DCAF1: variants seen among roughly 807,000 people sequenced by gnomAD.
DCAF1 encodes DDB1- and CUL4-associated factor 1.
Under a neutral mutation model 128.0 loss-of-function variants are expected in DCAF1, and 15 were observed. The ratio of observed to expected loss-of-function variants is 0.12; its 90% CI spans 0.08 to 0.18. DCAF1 has a LOEUF of 0.18. Among genes scored for constraint, DCAF1 ranks in the 10% least tolerant of loss-of-function variants. DCAF1 has a pLI of 1.00. For missense variants in DCAF1, 988 were observed against 1,649.5 expected, an observed-to-expected ratio of 0.60 and a Z score of 6.95; for synonymous variants, 610 against 603.0, an observed-to-expected ratio of 1.01 and a Z score of -0.17.
At chr3:51,414,575 C>T (rs371364826) in intron 19 of DCAF1, 49 bp downstream of exon 19, 22 of 1,596,274 alleles carry the variant, frequency 1.4e-5, no homozygotes, top group South Asian at 2.2e-5. Flanking sequence ...TATTTCTGCA[C>T]CACAAACCAG....
rs782742872 is a variant in DCAF1 at position 51,441,083 on chromosome 3, A to G, written c.1027-12T>C. On this transcript the variant is annotated splice_polypyrimidine_tract_variant and intron_variant, in intron 8 of 24. Coordinates refer to ENST00000684031, the MANE Select transcript of DCAF1 (RefSeq NM_001387579.1). ...AATATGGGAAGTAGCTGAAATGAAC[A>G]CCAAATACAAGTCTTAAATTTTGGC... The G allele has an allele frequency of 1.2e-6, 2 of 1,600,406 alleles. No homozygotes were observed. The highest frequency in any genetic ancestry group is 2.2e-5 in the East Asian group (1 of 44,566).
rs556429740 is a variant in DCAF1 at position 51,479,215 on chromosome 3, C to T, written c.110+4504G>A. ...GGAGACACCAATAAAAAGACATAGT[C>T]GTAGGCCAGGCATGGTGGCTCACGC... On this transcript the variant is annotated intron_variant, in intron 3 of 24. Transcript: ENST00000684031. Among the ~76,000 whole-genome samples, 14 of 152,186 alleles carry T rather than the reference C, an allele frequency of 9.2e-5. No homozygotes were observed. In the South Asian group the frequency reaches 2.5e-3, roughly 27 times the overall value.
At chr3:51,490,598 G>A (rs1454456675) in intron 2 of DCAF1, among the ~76,000 whole-genome samples, 1 of 152,080 alleles carries the variant, frequency 6.6e-6, no homozygotes, top group African/African-American at 2.4e-5. Context: ...ACATTCCAAC[G>A]TGGTCTACAA....
chr3:51,470,867 G>A (rs543068783), intron 4 of DCAF1, 62 bp downstream of exon 4: 31 of 1,233,438 alleles, frequency 2.5e-5, no homozygotes, highest in African/African-American at 4.5e-5. Context: ...AAAGACCCTC[G>A]CTTTAATAAA....
intron 2 of DCAF1, among the ~76,000 whole-genome samples, chr3:51,493,416 G>C (rs1381444695): frequency 6.6e-6 from 1 of 151,918 alleles, no homozygotes; most frequent in Non-Finnish European, 1.5e-5. Context: ...TTGCACTCCA[G>C]CCTGGGCAAT....
rs145516040 is a variant in DCAF1 at position 51,456,168 on chromosome 3, G to A, written c.375+6946C>T. ...ATTCCCTTTCCTAGTCAAAGAAATCGGTGACAGACAGCACCTGGAAAATCG... is the reference window on the plus strand; with the variant it reads ...ATTCCCTTTCCTAGTCAAAGAAATCAGTGACAGACAGCACCTGGAAAATCG... On this transcript the variant is annotated intron_variant, in intron 6 of 24. Transcript: ENST00000684031. Among the ~76,000 whole-genome samples the A allele has an allele frequency of 1.5e-3, 222 of 152,314 alleles. 3 individuals are homozygous for A. The South Asian group carries it at 0.026, about 18-fold the overall frequency.
intron 19 of DCAF1, among the ~76,000 whole-genome samples, chr3:51,414,409 A>T (rs1380254579): frequency 6.6e-6 from 1 of 152,254 alleles, no homozygotes; most frequent in Admixed American, 6.5e-5. Context: ...CTCTTACCAA[A>T]TACATAGAAA....
chr3:51,452,531 C>A (rs531482069), intron 6 of DCAF1, among the ~76,000 whole-genome samples: 294 of 152,192 alleles, frequency 1.9e-3, no homozygotes, highest in Non-Finnish European at 3.2e-3. Flanking sequence ...TCCCAATAAA[C>A]CATTAATTAG....
At chr3:51,437,357 G>GA (rs1700945400) in intron 9 of DCAF1, 1 of 425,296 alleles carries the variant, frequency 2.4e-6, no homozygotes, top group Admixed American at 2.5e-5. Flanking sequence ...CAAAGGGGCT[G>GA]AACATGGGAG....
At chr3:51,505,225 C>G in the DCAF1 span, among the ~76,000 whole-genome samples, 1 of 152,002 alleles carries the variant, frequency 6.6e-6, no homozygotes, top group Non-Finnish European at 1.5e-5. Flanking sequence ...GATCACACCA[C>G]TGCACTCCAG....
chr3:51,451,762 C>CAA (rs5848923), intron 6 of DCAF1, among the ~76,000 whole-genome samples: 13 of 108,134 alleles, frequency 1.2e-4, no homozygotes, highest in Admixed American at 3.5e-4. Flanking sequence ...AACTCTGTCT[C>CAA]AAAAAAAAAA....
Position 51,414,875 on chromosome 3 carries a change from T to C in DCAF1, c.3604-18A>G, listed in dbSNP as rs782335742. ...TCATAAATCTTTAGAGAAGAAGGGA[T>C]GGGAAGAGAAAAATCAGACCAATCC... On this transcript the variant is annotated intron_variant, in intron 18 of 24. Transcript: ENST00000684031. 8 of 1,604,876 alleles carry C rather than the reference T, an allele frequency of 5.0e-6. No individual in the cohort carries two copies. The highest frequency in any genetic ancestry group is 1.7e-4 in the Middle Eastern group (1 of 6,030).
rs1553635143 is a variant in DCAF1 at position 51,430,024 on chromosome 3, G to T, written c.1467+9C>A. On this transcript the variant is annotated intron_variant, in intron 11 of 24. Coordinates refer to ENST00000684031, the MANE Select transcript of DCAF1 (RefSeq NM_001387579.1). ...AATCCTAGGGAGAAAAGCACTGAAA[G>T]AACCTCACCAAGTTCACCAGACGAC... 1 of 780,290 alleles carries T rather than the reference G, an allele frequency of 1.3e-6. No homozygotes were observed. The highest frequency in any genetic ancestry group is 2.4e-6 in the Non-Finnish European group (1 of 417,728). 48.3% of individuals were successfully genotyped at this position (780,290 alleles called of 1,614,324 possible).
chr3:51,406,207 G>A (rs1477460004), intron 23 of DCAF1, among the ~76,000 whole-genome samples: 1 of 150,760 alleles, frequency 6.6e-6, no homozygotes, highest in Non-Finnish European at 1.5e-5. Flanking sequence ...GCTGGGTGTG[G>A]TGATGGGCAC....
intron 2 of DCAF1, among the ~76,000 whole-genome samples, chr3:51,493,502 A>G (rs1019299675): frequency 6.6e-6 from 1 of 152,162 alleles, no homozygotes; most frequent in South Asian, 2.1e-4. Context: ...TCTTGGTAGC[A>G]TTATTCACAA....
rs1050659345 is a variant in DCAF1 at position 51,471,310 on chromosome 3, C to G, written c.111-305G>C. Among the ~76,000 whole-genome samples the G allele has an allele frequency of 9.9e-5, 15 of 151,442 alleles. No individual in the cohort carries two copies. In the Admixed American group the frequency reaches 9.9e-4, roughly 10 times the overall value. On this transcript the variant is annotated intron_variant, in intron 3 of 24. Transcript: ENST00000684031. Reference sequence around the variant, plus strand: ...GCCATTCTCCTGCCTCAGTATCCCGCACAGCTGGGACTGCAGGCACCCACC... The same window carrying G: ...GCCATTCTCCTGCCTCAGTATCCCGGACAGCTGGGACTGCAGGCACCCACC...
chr3:51,486,971 TTTTC>T (rs1303136588), intron 2 of DCAF1, among the ~76,000 whole-genome samples: 4 of 148,340 alleles, frequency 2.7e-5, no homozygotes, highest in African/African-American at 7.4e-5. Flanking sequence ...TTTTCTTTTC[TTTTC>T]TTTTTTTTTT....
At chr3:51,501,315 C>T (rs782470821), upstream of DCAF1, among the ~76,000 whole-genome samples, 85 of 152,152 alleles carry the variant, frequency 5.6e-4, 1 homozygote, top group Non-Finnish European at 3.8e-4. Flanking sequence ...CCCAGCATCA[C>T]ACAACCAATT....
Position 51,420,099 on chromosome 3 carries a change from G to C in DCAF1, c.2871C>G (p.Ile957Met). 1 of 1,614,018 alleles carries C rather than the reference G, an allele frequency of 6.2e-7. No individual in the cohort carries two copies. Among genetic ancestry groups the C allele is most frequent in the East Asian group, 2.2e-5 (1 of 44,876 alleles). The change falls in exon 15 of 25, where the codon ATC (isoleucine) becomes ATG (methionine). Residue 957 changes from isoleucine (I) to methionine (M), a missense_variant. Ile to Met is a conservative substitution (Grantham distance 10). Coordinates refer to ENST00000684031, the MANE Select transcript of DCAF1 (RefSeq NM_001387579.1). The surrounding 1 kb of genome is among the most constrained non-coding windows in gnomAD (Gnocchi z 6.5). ...YAGNSPLIGR[I>M]SFIRERPSPC... ...GTGATGGCCTCTCTCTGATAAAACT[G>C]ATTCTACCAATCAAAGGGGAGTTGC...
Sources: allele counts gnomAD v4.1 joint callset (sites outside exome capture counted in the v4.1 genomes callset), GRCh38; gene constraint gnomAD v4.1.1; non-coding constraint Gnocchi (gnomAD v3.1); transcripts MANE v1.5; gene names NCBI Gene and HGNC (gene_info 2026-07-23, HGNC 2026-07-21).